Variants in FAM9C observed in about 807,000 individuals in gnomAD.
FAM9C encodes family with sequence similarity 9 member C.
In FAM9C, 15 loss-of-function variants were observed where a neutral mutation model predicts 14.8. The observed-to-expected ratio is 1.02, with a 90% CI of 0.68 to 1.56. The LOEUF (loss-of-function observed/expected upper bound fraction) is 1.56, where lower values mean the gene tolerates loss of function less well. Ranked by LOEUF, FAM9C falls within the 40% of genes most tolerant of loss-of-function variation. The probability of loss-of-function intolerance (pLI) is 0.00; values close to 1 mark genes in which losing one functional copy is unlikely to be tolerated. For missense variants in FAM9C, 116 were observed against 118.0 expected (o/e 0.98, Z 0.08); for synonymous variants, 45 against 37.5 (o/e 1.20, Z -0.74).
intron 3 of FAM9C, 72 bp from the exon 4 acceptor site, chrX:13,043,021 T>A (rs750050971): frequency 1.9e-5 from 22 of 1,165,201 alleles, no homozygotes; most frequent in Non-Finnish European, 2.5e-5. Flanking sequence ...GGAAGAAATG[T>A]CTTGTGTGAA....
At chrX:13,038,879 T>C (rs1569135555) in intron 6 of FAM9C, among the ~76,000 whole-genome samples, 1 of 111,906 alleles carries the variant, frequency 8.9e-6, no homozygotes, top group Non-Finnish European at 1.9e-5. Flanking sequence ...CTTGGTCATT[T>C]CAATATGTAC....
Position 13,039,926 on chromosome X carries a change from A to G in FAM9C, c.330-10T>C, listed in dbSNP as rs373490979. The G allele has an allele frequency of 3.4e-6, 4 of 1,175,463 alleles. No homozygotes were observed. Among genetic ancestry groups the G allele is most frequent in the Admixed American group, 2.3e-5 (1 of 42,963 alleles). On this transcript the variant is annotated splice_polypyrimidine_tract_variant and intron_variant, in intron 5 of 7. Coordinates refer to ENST00000380625, the MANE Select transcript of FAM9C (RefSeq NM_174901.6). ...ATAATCACGTTTCTGCCTGTAACAC[A>G]TAATAAGTAACAAGGTCATACGTCA...
chrX:13,040,771 T>C lies in FAM9C; in HGVS notation c.316A>G (p.Thr106Ala). ...CAACAATCATACCTTTTTAGTTGTG[T>C]TGTTCTCAAAACATTTTTAATTCTG... ...KNRIKNVLRT[T>A]QLKRQKRDYR... The change falls in exon 5 of 8, where the codon ACA becomes GCA. Residue 106 changes from threonine to alanine, a missense_variant. Transcript: ENST00000380625. 1 of 1,175,091 alleles carries C rather than the reference T, an allele frequency of 8.5e-7. No homozygotes were observed. The highest frequency in any genetic ancestry group is 1.1e-6 in the Non-Finnish European group (1 of 874,533).
rs1602495217 is a variant in FAM9C at position 13,043,631 on chromosome X, G to A, written c.61+98C>T. On this transcript the variant is annotated intron_variant, in intron 2 of 7. Coordinates refer to ENST00000380625, the MANE Select transcript of FAM9C (RefSeq NM_174901.6). Reference sequence around the variant, plus strand: ...CACGGTGAGCTCCAAAGCCACGAAGGGGCCGGGGGCCTCGGGCTGCCCATG... The same window carrying A: ...CACGGTGAGCTCCAAAGCCACGAAGAGGCCGGGGGCCTCGGGCTGCCCATG... 1.1e-5 allele frequency: 11 copies of A among 1,036,523 alleles called. No individual in the cohort carries two copies. The East Asian group carries it at 3.4e-4, about 32-fold the overall frequency. The allele number at this position is 1,036,523 out of a possible 1,213,427, so 85.4% of individuals were successfully genotyped here. A position where few individuals can be genotyped will look rare whatever the true frequency, so the allele number is the denominator to read the frequency against.
At chrX:13,042,027 G>T (rs1431450156) in intron 4 of FAM9C, 1 of 112,549 alleles carries the variant, frequency 8.9e-6, no homozygotes, top group Non-Finnish European at 1.9e-5. Context: ...TATCGCTATA[G>T]AAGAGCTGAA....
intron 1 of FAM9C, 98 bp from the exon 2 acceptor site, chrX:13,043,955 G>A: frequency 2.0e-6 from 1 of 488,199 alleles, no homozygotes; most frequent in South Asian, 3.0e-5. Context: ...CGGGTCTCCC[G>A]TGGGAGCAGG....
Position 13,035,994 on chromosome X carries a change from G to C in FAM9C, c.*50C>G, listed in dbSNP as rs2043477369. On this transcript the variant is annotated 3_prime_UTR_variant, in exon 8 of 8. Transcript: ENST00000380625. ...AATAACAGAGGTTGAAGATACATCT[G>C]AATAAGTGCCAACTCTTGCTGCAGC... 2 of 112,292 alleles carry C rather than the reference G, an allele frequency of 1.8e-5. No individual in the cohort carries two copies. The highest frequency in any genetic ancestry group is 7.3e-4 in the South Asian group (2 of 2,749). 9.3% of individuals were successfully genotyped at this position (112,292 alleles called of 1,213,427 possible). A position where few individuals can be genotyped will look rare whatever the true frequency, so the allele number is the denominator to read the frequency against.
rs1433606450 is a variant in FAM9C, at chrX:13,040,841, T to C, written c.246A>G (p.Arg82=). Reference sequence around the variant, plus strand: ...CTTTTGCAATCTTTTCAATCCTTTTTCTCTTTGCAGCAAGATGCTCTTTAA... The same window carrying C: ...CTTTTGCAATCTTTTCAATCCTTTTCCTCTTTGCAGCAAGATGCTCTTTAA... ...ADIKEHLAAK[R]KRIEKIAKAC... is the part of the protein sequence containing the mutation. Residue 82 remains arginine, a synonymous_variant, in exon 5 of 8, where the codon AGA becomes AGG. Coordinates refer to ENST00000380625, the MANE Select transcript of FAM9C (RefSeq NM_174901.6). The C allele has an allele frequency of 3.4e-6, 4 of 1,189,770 alleles. No homozygotes were observed. Among genetic ancestry groups the C allele is most frequent in the Non-Finnish European group, 4.5e-6 (4 of 885,140 alleles).
In FAM9C at chrX:13,043,748, G is replaced by T. The variant is rs754911090; in HGVS notation, c.42C>A (p.Ala14=). Residue 14 remains alanine (A), a synonymous_variant, in exon 2 of 8, where the codon GCC becomes GCA. Coordinates refer to ENST00000380625, the MANE Select transcript of FAM9C (RefSeq NM_174901.6). ...GTTTACCTGCAAGCTCCATTTCCTG[G>T]GCGGCCATAACTTGAACCTCCAACT... The part of the protein sequence containing the change: ...KDQLEVQVMA[A]QEMELAGKDP... 8.3e-7 allele frequency: 1 copy of T among 1,212,111 alleles called. No homozygotes were observed. The highest frequency in any genetic ancestry group is 1.8e-5 in the South Asian group (1 of 57,022).
intron 4 of FAM9C, 160 bp from the exon 5 acceptor site, chrX:13,041,032 T>C (rs769507487): frequency 1.2e-4 from 40 of 335,182 alleles, no homozygotes; most frequent in Admixed American, 1.1e-3. Flanking sequence ...ACTTACTTTA[T>C]GTAAAACCTT....
intron 6 of FAM9C, 97 bp downstream of exon 6, chrX:13,039,711 C>T (rs763589364): frequency 2.9e-5 from 33 of 1,119,309 alleles, no homozygotes; most frequent in Non-Finnish European, 3.8e-5. Context: ...TCTCTGGGCT[C>T]ATGCTCTCTT....
intron 2 of FAM9C, 118 bp from the exon 3 acceptor site, chrX:13,043,366 C>T (rs2043544949): frequency 6.2e-6 from 6 of 966,768 alleles, no homozygotes; most frequent in Admixed American, 6.3e-5. Context: ...AAAGCTTTAC[C>T]GCAGAGCTAT....
chrX:13,042,297 T>G (rs1462360653), intron 4 of FAM9C: 1 of 111,728 alleles, frequency 9.0e-6, no homozygotes, highest in Admixed American at 9.5e-5. Flanking sequence ...TCTGGTACTT[T>G]AAAGAAAACA....
chrX:13,043,948 G>A, intron 1 of FAM9C, 91 bp from the exon 2 acceptor site: 2 of 510,699 alleles, frequency 3.9e-6, no homozygotes, highest in South Asian at 5.8e-5. Context: ...GGCGCCCCGG[G>A]TCTCCCGTGG....
rs2043497660 is a variant in FAM9C, at chrX:13,038,486, T to C, written c.456A>G (p.Gln152=). The C allele has an allele frequency of 8.3e-7, 1 of 1,204,925 alleles. No homozygotes were observed. The highest frequency in any genetic ancestry group is 2.2e-5 in the Admixed American group (1 of 44,959). ...KEEQIKIFQE[Q]QKRWQQDGKG... ...TCCCATCTTGTTGCCACCTCTTTTGTTGCTCTTGAAATATTTTCTAGAGGC... is the reference window on the plus strand; with the variant it reads ...TCCCATCTTGTTGCCACCTCTTTTGCTGCTCTTGAAATATTTTCTAGAGGC... The change falls in exon 7 of 8, where the codon CAA becomes CAG. Residue 152 remains glutamine (Q), a synonymous_variant. Transcript: ENST00000380625.
At chrX:13,044,275 C>T (rs2043555716) in intron 1 of FAM9C, among the ~76,000 whole-genome samples, 1 of 110,436 alleles carries the variant, frequency 9.1e-6, no homozygotes, top group Admixed American at 9.4e-5. Flanking sequence ...CCAAGTATCC[C>T]GTCCTGATGG....
chrX:13,037,319 G>A (rs2043487879), intron 7 of FAM9C: 1 of 112,517 alleles, frequency 8.9e-6, no homozygotes, highest in Non-Finnish European at 1.9e-5. Flanking sequence ...AAGGACCATT[G>A]CAGAGTAAAA....
chrX:13,043,348 C>T, intron 2 of FAM9C, 100 bp from the exon 3 acceptor site: 5 of 1,041,702 alleles, frequency 4.8e-6, no homozygotes, highest in Non-Finnish European at 5.1e-6. Flanking sequence ...TTTGGCTCTC[C>T]GCCAATTAAA....
At chrX:13,043,654 A>T (rs1423736356) in intron 2 of FAM9C, 75 bp downstream of exon 2, 2 of 1,156,483 alleles carry the variant, frequency 1.7e-6, no homozygotes, top group Non-Finnish European at 2.4e-6. Context: ...CGGGCTGCCC[A>T]TGTGCGCCCC....
Sources: allele counts gnomAD v4.1 joint callset (sites outside exome capture counted in the v4.1 genomes callset), GRCh38; gene constraint gnomAD v4.1.1; transcripts MANE v1.5; gene names NCBI Gene and HGNC (gene_info 2026-07-23, HGNC 2026-07-21).